Variants in DYNC1I1 observed in about 807,000 individuals in gnomAD.
DYNC1I1 encodes dynein cytoplasmic 1 intermediate chain 1.
DYNC1I1 carries 43 observed loss-of-function variants against 86.6 expected under a neutral mutation model. The observed-to-expected ratio is 0.50, with a 90% CI of 0.39 to 0.64. The LOEUF is 0.64. DYNC1I1 is among the 30% of genes least tolerant of loss of function. The probability of loss-of-function intolerance (pLI) is 0.00; values close to 1 mark genes in which losing one functional copy is unlikely to be tolerated. For missense variants in DYNC1I1, 604 were observed against 788.8 expected, an observed-to-expected ratio of 0.77 and a Z score of 2.81; for synonymous variants, 262 against 283.7, an observed-to-expected ratio of 0.92 and a Z score of 0.77.
At chr7:95,944,822 A>G (rs1420758014) in intron 6 of DYNC1I1, among the ~76,000 whole-genome samples, 1 of 141,774 alleles carries the variant, frequency 7.1e-6, no homozygotes, top group Non-Finnish European at 1.5e-5. Flanking sequence ...GAATTGAACA[A>G]TGAGGACACA....
chr7:95,952,131 AC>A (rs1180835273), intron 6 of DYNC1I1, among the ~76,000 whole-genome samples: 1 of 151,620 alleles, frequency 6.6e-6, no homozygotes, highest in Non-Finnish European at 1.5e-5. Flanking sequence ...CTTATTTTCT[AC>A]CTTCCTTTTA....
chr7:96,027,725 T>C (rs1584261133), intron 10 of DYNC1I1, among the ~76,000 whole-genome samples: 1 of 152,130 alleles, frequency 6.6e-6, no homozygotes, highest in African/African-American at 2.4e-5. Flanking sequence ...GAATCTAGAA[T>C]TACTCTGCCT....
At chr7:95,841,771 G>A (rs947279723) in intron 5 of DYNC1I1, among the ~76,000 whole-genome samples, 6 of 152,214 alleles carry the variant, frequency 3.9e-5, no homozygotes, top group South Asian at 2.1e-4. Flanking sequence ...CTTGTTATAA[G>A]CCAGACCCTT....
At chr7:95,852,826 C>CTAGA (rs1260517518) in intron 5 of DYNC1I1, among the ~76,000 whole-genome samples, 1 of 152,084 alleles carries the variant, frequency 6.6e-6, no homozygotes, top group Non-Finnish European at 1.5e-5. Context: ...TTTTTATTTC[C>CTAGA]TTCTATTAAC....
At chr7:95,862,363 A>C (rs1279657781) in intron 5 of DYNC1I1, among the ~76,000 whole-genome samples, 1 of 152,158 alleles carries the variant, frequency 6.6e-6, no homozygotes, top group African/African-American at 2.4e-5. Flanking sequence ...TTAAAAAAAA[A>C]ACAAATAACC....
At chr7:96,096,655 C>T (rs1563004321) in intron 16 of DYNC1I1, among the ~76,000 whole-genome samples, 1 of 152,010 alleles carries the variant, frequency 6.6e-6, no homozygotes, top group Non-Finnish European at 1.5e-5. Context: ...TTGGAGGAGG[C>T]GTTAATTTCC....
chr7:95,849,360 A>G (rs1789518415), intron 5 of DYNC1I1, among the ~76,000 whole-genome samples: 1 of 152,092 alleles, frequency 6.6e-6, no homozygotes, highest in African/African-American at 2.4e-5. Flanking sequence ...TTTTACAATT[A>G]AGTCTTTAAT....
intron 6 of DYNC1I1, among the ~76,000 whole-genome samples, chr7:95,871,644 G>A (rs79924264): frequency 0.097 from 14,775 of 152,178 alleles, 1,516 homozygotes; most frequent in East Asian, 0.32. Flanking sequence ...ATTGGAAGTG[G>A]TAAAGAAATA....
intron 6 of DYNC1I1, among the ~76,000 whole-genome samples, chr7:95,889,739 A>G (rs956190670): frequency 3.3e-5 from 5 of 152,188 alleles, no homozygotes; most frequent in Non-Finnish European, 5.9e-5. Flanking sequence ...AACTTTAACA[A>G]ATTTACAACA....
At chr7:95,832,182 T>C (rs1286507611) in intron 5 of DYNC1I1, among the ~76,000 whole-genome samples, 1 of 115,168 alleles carries the variant, frequency 8.7e-6, no homozygotes, top group Non-Finnish European at 1.7e-5. Context: ...TGTGTTCTCA[T>C]TGTTCAATTC....
chr7:95,808,232 C>T (rs190641785), intron 2 of DYNC1I1, among the ~76,000 whole-genome samples: 110 of 152,110 alleles, frequency 7.2e-4, no homozygotes, highest in Admixed American at 5.0e-3. Flanking sequence ...TTTTTATAAA[C>T]TTTCTTTAGG....
intron 10 of DYNC1I1, among the ~76,000 whole-genome samples, chr7:95,997,468 A>G (rs536034380): frequency 6.6e-6 from 1 of 152,068 alleles, no homozygotes; most frequent in South Asian, 2.1e-4. Context: ...GATCTTTATC[A>G]TGATTTTTAA....
At chr7:95,848,687 A>G (rs1789498853) in intron 5 of DYNC1I1, among the ~76,000 whole-genome samples, 1 of 152,142 alleles carries the variant, frequency 6.6e-6, no homozygotes, top group Non-Finnish European at 1.5e-5. Flanking sequence ...TGCAGTGAAC[A>G]TGGGGGTACA....
At chr7:96,082,268 C>A (rs1790544185) in intron 16 of DYNC1I1, among the ~76,000 whole-genome samples, 2 of 144,258 alleles carry the variant, frequency 1.4e-5, no homozygotes, top group African/African-American at 2.7e-5. Context: ...TAAAAAAGAG[C>A]AAAGGAGAAT....
intron 6 of DYNC1I1, among the ~76,000 whole-genome samples, chr7:95,942,028 G>C (rs1370646117): frequency 6.6e-6 from 1 of 152,166 alleles, no homozygotes; most frequent in Non-Finnish European, 1.5e-5. Context: ...AAGCAGAGCA[G>C]AACTGAAGGA....
At chr7:95,979,133 G>T (rs1793389491) in intron 7 of DYNC1I1, among the ~76,000 whole-genome samples, 1 of 152,274 alleles carries the variant, frequency 6.6e-6, no homozygotes, top group East Asian at 1.9e-4. Context: ...TCATATTGAG[G>T]CTCATTTGAA....
intron 10 of DYNC1I1, among the ~76,000 whole-genome samples, chr7:96,012,344 T>G (rs1408507036): frequency 5.3e-5 from 8 of 152,208 alleles, no homozygotes; most frequent in African/African-American, 1.9e-4. Flanking sequence ...GTCTGAAGAT[T>G]ACCATCCTTT....
At chr7:96,049,195 T>C (rs2116093743) in intron 14 of DYNC1I1, among the ~76,000 whole-genome samples, 1 of 149,370 alleles carries the variant, frequency 6.7e-6, no homozygotes, top group Middle Eastern at 3.4e-3. Context: ...GAGGCAGAGC[T>C]TGCAGTGAGC....
intron 8 of DYNC1I1, among the ~76,000 whole-genome samples, chr7:95,985,366 G>A (rs1337036460): frequency 6.6e-6 from 1 of 152,160 alleles, no homozygotes; most frequent in African/African-American, 2.4e-5. Context: ...AGGTGTGGGA[G>A]AAGTTAACTG....
Sources: allele counts gnomAD v4.1 joint callset (sites outside exome capture counted in the v4.1 genomes callset), GRCh38; gene constraint gnomAD v4.1.1; transcripts MANE v1.5; gene names NCBI Gene and HGNC (gene_info 2026-07-23, HGNC 2026-07-21).